SLC13A3: variants seen among roughly 807,000 people sequenced by gnomAD.
The protein encoded by SLC13A3 is Na(+)/dicarboxylate cotransporter 3.
A neutral mutation model predicts 59.0 loss-of-function variants in SLC13A3; 40 were observed. The ratio of observed to expected loss-of-function variants is 0.68; its 90% CI spans 0.53 to 0.88. The LOEUF (loss-of-function observed/expected upper bound fraction) is 0.88. SLC13A3 is among the 40% of genes least tolerant of loss of function. The pLI, the probability that SLC13A3 is intolerant of heterozygous loss-of-function variation, is 0.00. For missense variants in SLC13A3, 699 were observed against 783.2 expected, an observed-to-expected ratio of 0.89 and a Z score of 1.28; for synonymous variants, 317 against 330.3, an observed-to-expected ratio of 0.96 and a Z score of 0.44.
intron 8 of SLC13A3, chr20:46,584,350 A>C: frequency 1.0e-6 from 1 of 985,402 alleles, no homozygotes; most frequent in Non-Finnish European, 1.2e-6. Flanking sequence ...TGTATTTTTA[A>C]AGTTTTTATT....
chr20:46,572,096 TG>T lies in SLC13A3; in HGVS notation c.1332+3476del, dbSNP rs2062033763. On this transcript the variant is annotated intron_variant, in intron 10 of 12. Coordinates refer to ENST00000279027, the MANE Select transcript of SLC13A3 (RefSeq NM_022829.6). Reference sequence around the variant, plus strand: ...AGAAAACTGTAGTGAGGACCCTAAGTGGGCTTAAGTGAGTTGCTGAGGCTCA... The same window carrying T: ...AGAAAACTGTAGTGAGGACCCTAAGTGGCTTAAGTGAGTTGCTGAGGCTCA... Among the ~76,000 whole-genome samples the T allele has an allele frequency of 3.3e-5, 5 of 152,234 alleles. No homozygotes were observed. In the South Asian group the frequency reaches 8.3e-4, roughly 25 times the overall value.
chr20:46,597,989 T>C (rs2062331918), intron 4 of SLC13A3, among the ~76,000 whole-genome samples: 1 of 152,212 alleles, frequency 6.6e-6, no homozygotes, highest in South Asian at 2.1e-4. Flanking sequence ...CATTACATTG[T>C]ATATCTTAAA....
chr20:46,657,726 G>A (rs961511169), intron 1 of SLC13A3, among the ~76,000 whole-genome samples: 6 of 152,130 alleles, frequency 3.9e-5, no homozygotes, highest in African/African-American at 1.2e-4. Context: ...GAAACATGGC[G>A]CTGTCATCTG....
intron 1 of SLC13A3, among the ~76,000 whole-genome samples, chr20:46,650,248 G>T (rs2062939411): frequency 6.6e-6 from 1 of 151,988 alleles, no homozygotes; most frequent in South Asian, 2.1e-4. Flanking sequence ...TACTTCCTTG[G>T]GGAGACTGAA....
chr20:46,569,904 G>T (rs1257085973), intron 10 of SLC13A3, among the ~76,000 whole-genome samples: 2 of 152,102 alleles, frequency 1.3e-5, no homozygotes, highest in African/African-American at 4.8e-5. Context: ...GTTTGTTATG[G>T]CATAAGTTCA....
At chr20:46,602,060 G>T (rs2058401764) in intron 3 of SLC13A3, among the ~76,000 whole-genome samples, 2 of 152,216 alleles carry the variant, frequency 1.3e-5, no homozygotes, top group African/African-American at 2.4e-5. Context: ...CTGGTCAAGT[G>T]TGGTGGTTCA....
At chr20:46,587,165 T>C (rs1255591073) in intron 8 of SLC13A3, among the ~76,000 whole-genome samples, 1 of 152,186 alleles carries the variant, frequency 6.6e-6, no homozygotes, top group Non-Finnish European at 1.5e-5. Context: ...CACTACCCAT[T>C]TCCTAATGAA....
At chr20:46,574,868 C>T (rs432915) in intron 10 of SLC13A3, among the ~76,000 whole-genome samples, 119,954 of 146,854 alleles carry the variant, frequency 0.82, 49,148 homozygotes, top group East Asian at 0.92. Context: ...GATGAGGTCT[C>T]GCTCTGTCAC....
intron 1 of SLC13A3, among the ~76,000 whole-genome samples, chr20:46,643,187 A>G (rs2062860991): frequency 6.6e-6 from 1 of 152,088 alleles, no homozygotes; most frequent in Non-Finnish European, 1.5e-5. Flanking sequence ...CTTATACCCC[A>G]TGGGTGGGAA....
chr20:46,618,453 TC>T (rs1218746087), intron 1 of SLC13A3, among the ~76,000 whole-genome samples: 3 of 152,070 alleles, frequency 2.0e-5, no homozygotes, highest in African/African-American at 7.2e-5. Flanking sequence ...AGTGTTTCTG[TC>T]CCCCCAGATT....
At position 46,613,468 on chromosome 20, in the gene SLC13A3, C is replaced by A. The variant is rs778253471; in HGVS notation, c.369G>T (p.Gln123His). The part of the protein sequence containing the change: ...ALKILMLVGV[Q>H]PARLILGMMV... ...CCATTACCTGTTCTTACCTGGCCGGCTGGACTCCAACAAGCATCAGGATCT... is the reference window on the plus strand; with the variant it reads ...CCATTACCTGTTCTTACCTGGCCGGATGGACTCCAACAAGCATCAGGATCT... The change falls in exon 2 of 13, where the codon CAG (glutamine) becomes CAT (histidine). Residue 123 changes from glutamine (Q) to histidine (H), a missense_variant. Transcript: ENST00000279027. 16 of 1,590,418 alleles carry A rather than the reference C, an allele frequency of 1.0e-5. No homozygotes were observed. In the South Asian group the frequency reaches 1.9e-4, roughly 18 times the overall value.
At chr20:46,588,357 C>T (rs974529787) in intron 7 of SLC13A3, among the ~76,000 whole-genome samples, 194 bp from the exon 8 acceptor site, 11 of 152,028 alleles carry the variant, frequency 7.2e-5, no homozygotes, top group African/African-American at 2.7e-4. Context: ...GATTCCTGTC[C>T]TAGGACTTCC....
upstream of SLC13A3, among the ~76,000 whole-genome samples, chr20:46,653,320 C>T (rs1196795856): frequency 6.6e-6 from 1 of 152,102 alleles, no homozygotes; most frequent in Non-Finnish European, 1.5e-5. Flanking sequence ...TAGCCTTAGA[C>T]CCCAAAGAGT....
intron 9 of SLC13A3, chr20:46,582,892 C>A: frequency 1.0e-6 from 1 of 985,358 alleles, no homozygotes; most frequent in Middle Eastern, 5.2e-4. Context: ...AGCTGGCAAT[C>A]TGAAGGCCAC....
At chr20:46,673,796 G>A (rs2063106442), upstream of SLC13A3, 1 of 152,332 alleles carries the variant, frequency 6.6e-6, no homozygotes, top group South Asian at 2.1e-4. Context: ...ATGGAGAGGA[G>A]CAATAAATAT....
intron 10 of SLC13A3, among the ~76,000 whole-genome samples, chr20:46,572,785 A>T (rs1856065805): frequency 6.6e-6 from 1 of 152,202 alleles, no homozygotes. Flanking sequence ...AGATGAGGAA[A>T]CTGAGGCCCA....
At chr20:46,632,144 C>T (rs996943987) in intron 1 of SLC13A3, among the ~76,000 whole-genome samples, 1 of 152,218 alleles carries the variant, frequency 6.6e-6, no homozygotes, top group Non-Finnish European at 1.5e-5. Context: ...CAGCTGCCCA[C>T]AGCAGTGCCC....
chr20:46,583,116 T>A, intron 9 of SLC13A3: 1 of 981,800 alleles, frequency 1.0e-6, no homozygotes, highest in Middle Eastern at 5.2e-4. Context: ...TAAACATTTT[T>A]TGCTTTTGTG....
chr20:46,659,294 C>A (rs1288664045), intron 1 of SLC13A3, among the ~76,000 whole-genome samples: 1 of 151,862 alleles, frequency 6.6e-6, no homozygotes, highest in Non-Finnish European at 1.5e-5. Context: ...CATTTTATTT[C>A]CTCTATTAAT....
Sources: gnomAD v4.1 joint callset for allele counts (sites outside exome capture counted in the v4.1 genomes callset) on GRCh38, gnomAD v4.1.1 for gene constraint, MANE v1.5 for transcripts, NCBI Gene and HGNC (gene_info 2026-07-23, HGNC 2026-07-21) for gene names.